Variants in MMD2 observed in about 807,000 individuals in gnomAD.
MMD2 encodes monocyte to macrophage differentiation factor 2.
Under a neutral mutation model 33.5 loss-of-function variants are expected in MMD2, and 30 were observed. The observed-to-expected ratio is 0.90, with a 90% CI of 0.67 to 1.22. MMD2 has a LOEUF of 1.22. Ranked by LOEUF, MMD2 falls within the 50% of genes most tolerant of loss-of-function variation. MMD2 has a pLI of 0.00. For synonymous variants in MMD2, 129 were observed against 123.0 expected (o/e 1.05, Z -0.32); for missense variants, 364 against 325.4 (o/e 1.12, Z -0.91).
At chr7:4,932,042 T>C (rs1019042811) in intron 1 of MMD2, among the ~76,000 whole-genome samples, 39 of 152,198 alleles carry the variant, frequency 2.6e-4, no homozygotes, top group African/African-American at 8.7e-4. Context: ...TGCCACCAGG[T>C]GCAGGCCTGC....
chr7:4,914,013 C>A (rs6947382), intron 4 of MMD2, among the ~76,000 whole-genome samples: 103,621 of 151,912 alleles, frequency 0.68, 36,870 homozygotes, highest in African/African-American at 0.9. Flanking sequence ...TTTTAGAGAC[C>A]GGGTGTCACT....
At chr7:4,907,718 T>C in intron 6 of MMD2, 119 bp from the exon 7 acceptor site, 1 of 875,770 alleles carries the variant, frequency 1.1e-6, no homozygotes, top group Non-Finnish European at 1.8e-6. Flanking sequence ...CAGCCCAGAC[T>C]CCCAGGTGGG....
chr7:4,907,998 G>C (rs567004386), intron 6 of MMD2, among the ~76,000 whole-genome samples: 59 of 151,758 alleles, frequency 3.9e-4, no homozygotes, highest in Non-Finnish European at 7.2e-4. Context: ...TTGGAGATGG[G>C]GGCATCTCAC....
chr7:4,943,943 A>G (rs528513015), intron 1 of MMD2, among the ~76,000 whole-genome samples: 17 of 151,566 alleles, frequency 1.1e-4, no homozygotes, highest in Admixed American at 9.9e-4. Context: ...CTGGGACTAT[A>G]GGTGCACGCC....
intron 1 of MMD2, among the ~76,000 whole-genome samples, chr7:4,934,921 C>T (rs1022828004): frequency 6.6e-6 from 1 of 152,196 alleles, no homozygotes; most frequent in African/African-American, 2.4e-5. Flanking sequence ...CGGGGTGGCT[C>T]ACGCCTGTGA....
At chr7:4,954,348 G>A (rs1377692291) in intron 1 of MMD2, among the ~76,000 whole-genome samples, 1 of 152,058 alleles carries the variant, frequency 6.6e-6, no homozygotes, top group Non-Finnish European at 1.5e-5. Flanking sequence ...TAAAGGTGTT[G>A]CAAATATGTC....
chr7:4,902,131 T>C (rs975415853), downstream of MMD2, among the ~76,000 whole-genome samples: 7 of 152,286 alleles, frequency 4.6e-5, no homozygotes, highest in Admixed American at 4.6e-4. Flanking sequence ...TTTATATTTT[T>C]GGTAGAGATG....
At chr7:4,898,845 G>A in the MMD2 span, among the ~76,000 whole-genome samples, 18,247 of 152,086 alleles carry the variant, frequency 0.12, 1,186 homozygotes, top group East Asian at 0.18. Flanking sequence ...GTTGCAGTGA[G>A]CCAAGATCAC....
At chr7:4,953,379 G>A (rs1254341729) in intron 1 of MMD2, among the ~76,000 whole-genome samples, 1 of 150,026 alleles carries the variant, frequency 6.7e-6, no homozygotes, top group East Asian at 1.9e-4. Flanking sequence ...GGCTACACAT[G>A]ACCTGTATAA....
rs922187375 is a variant in MMD2 at position 4,940,486 on chromosome 7, G to T, written c.48-14954C>A. Among the ~76,000 whole-genome samples the T allele has an allele frequency of 6.6e-6, 1 of 152,206 alleles. No individual in the cohort carries two copies. Among genetic ancestry groups the T allele is most frequent in the Non-Finnish European group, 1.5e-5 (1 of 68,038 alleles). ...TTTGCCCGGGCTCCTACACAAAGGGGGTTCTGTCCGTCTGTCCCACAGAGG... is the reference window on the plus strand; with the variant it reads ...TTTGCCCGGGCTCCTACACAAAGGGTGTTCTGTCCGTCTGTCCCACAGAGG... On this transcript the variant is annotated intron_variant, in intron 1 of 6. Transcript: ENST00000401401. This position sits in a 1 kb window ranked among gnomAD's most constrained non-coding sequence, Gnocchi z 5.0.
At chr7:4,919,913 A>G (rs1483976490) in intron 3 of MMD2, among the ~76,000 whole-genome samples, 1 of 152,162 alleles carries the variant, frequency 6.6e-6, no homozygotes, top group Non-Finnish European at 1.5e-5. Flanking sequence ...ACAAAAAGCA[A>G]CAACAAAAAA....
At chr7:4,908,692 T>C (rs868051128) in intron 6 of MMD2, among the ~76,000 whole-genome samples, 1 of 150,510 alleles carries the variant, frequency 6.6e-6, no homozygotes, top group Non-Finnish European at 1.5e-5. Flanking sequence ...AGGTCAGGAG[T>C]TCGAGACCAG....
At chr7:4,937,831 A>T (rs1785784753) in intron 1 of MMD2, among the ~76,000 whole-genome samples, 1 of 151,528 alleles carries the variant, frequency 6.6e-6, no homozygotes, top group African/African-American at 2.4e-5. Context: ...ATTTTTTTGT[A>T]GAGATGGGGT....
intron 1 of MMD2, 56 bp downstream of exon 1, chr7:4,958,915 C>G (rs1006180640): frequency 7.8e-7 from 1 of 1,276,436 alleles, no homozygotes; most frequent in Non-Finnish European, 1.0e-6. Context: ...CTCCGCGGCC[C>G]CCGCCGCCGC....
intron 2 of MMD2, among the ~76,000 whole-genome samples, chr7:4,920,720 T>C (rs1440773239): frequency 1.7e-5 from 2 of 120,734 alleles, no homozygotes; most frequent in South Asian, 3.4e-4. Flanking sequence ...CTCCCTCCCT[T>C]CCTCCCTTTC....
chr7:4,911,371 G>C, intron 4 of MMD2, 125 bp from the exon 5 acceptor site: 1 of 667,790 alleles, frequency 1.5e-6, no homozygotes, highest in Non-Finnish European at 2.6e-6. Context: ...TCCACGGCTG[G>C]GACATGGGCG....
rs185017532 is a variant in MMD2 at position 4,907,253 on chromosome 7, G to A, written c.*143C>T. On this transcript the variant is annotated 3_prime_UTR_variant, in exon 7 of 7. Transcript: ENST00000401401. ...CGCTGGGGACTCGAGGGATGATCTG[G>A]CTGTCACCAGAAGTCACCTTGGAGC... The A allele has an allele frequency of 2.7e-6, 2 of 732,370 alleles. No homozygotes were observed. Among genetic ancestry groups the A allele is most frequent in the East Asian group, 5.1e-5 (2 of 38,872 alleles). 45.4% of individuals were successfully genotyped at this position (732,370 alleles called of 1,614,324 possible). A position where few individuals can be genotyped will look rare whatever the true frequency, so the allele number is the denominator to read the frequency against.
intron 1 of MMD2, among the ~76,000 whole-genome samples, chr7:4,948,818 G>T (rs1002839024): frequency 6.6e-5 from 10 of 152,100 alleles, no homozygotes; most frequent in African/African-American, 1.2e-4. Context: ...TTCTTTTTAG[G>T]TTCTATAAAT....
chr7:4,923,091 C>A (rs1166463121), intron 2 of MMD2, among the ~76,000 whole-genome samples: 1 of 151,406 alleles, frequency 6.6e-6, no homozygotes, highest in African/African-American at 2.4e-5. Flanking sequence ...ATGGCAGAAT[C>A]AATTCAGCAC....
Sources: gnomAD v4.1 joint callset for allele counts (sites outside exome capture counted in the v4.1 genomes callset) on GRCh38, gnomAD v4.1.1 for gene constraint, Gnocchi (gnomAD v3.1) non-coding constraint, MANE v1.5 for transcripts, NCBI Gene and HGNC (gene_info 2026-07-23, HGNC 2026-07-21) for gene names.